PHLPP1: variants seen among roughly 807,000 people sequenced by gnomAD.
The protein encoded by PHLPP1 is PH domain and leucine rich repeat protein phosphatase 1.
Under a neutral mutation model 117.2 loss-of-function variants are expected in PHLPP1, and 42 were observed. The observed-to-expected ratio is 0.36, with a 90% confidence interval of 0.28 to 0.46. PHLPP1 has a LOEUF of 0.46. Among genes scored for constraint, PHLPP1 ranks in the 20% least tolerant of loss-of-function variants. The pLI, the probability that PHLPP1 is intolerant of heterozygous loss-of-function variation, is 1.00. For missense variants in PHLPP1, 2,084 were observed against 2,241.9 expected, an observed-to-expected ratio of 0.93 and a Z score of 1.42; for synonymous variants, 1,042 against 970.7, an observed-to-expected ratio of 1.07 and a Z score of -1.37.
chr18:62,918,138 G>A (rs1177799524), intron 9 of PHLPP1, among the ~76,000 whole-genome samples: 16 of 150,110 alleles, frequency 1.1e-4, no homozygotes, highest in Admixed American at 3.3e-4. Context: ...CCCAGGAGGC[G>A]GAGGTTGCAG....
Position 62,979,536 on chromosome 18 carries a change from G to A in PHLPP1, c.*105G>A. Reference sequence around the variant, plus strand: ...GGTTTTACTCCACATCCTTCCCCCAGACACTGTTCCCAACCTGTCATCGCA... The same window carrying A: ...GGTTTTACTCCACATCCTTCCCCCAAACACTGTTCCCAACCTGTCATCGCA... On this transcript the variant is annotated 3_prime_UTR_variant, in exon 17 of 17. Coordinates refer to ENST00000262719, the MANE Select transcript of PHLPP1 (RefSeq NM_194449.4). 7.8e-7 allele frequency: 1 copy of A among 1,275,752 alleles called. No individual in the cohort carries two copies. The highest frequency in any genetic ancestry group is 2.6e-5 in the Admixed American group (1 of 37,970). 79.0% of individuals were successfully genotyped at this position (1,275,752 alleles called of 1,614,324 possible).
chr18:62,785,451 A>G (rs1913252937), intron 1 of PHLPP1, among the ~76,000 whole-genome samples: 1 of 152,188 alleles, frequency 6.6e-6, no homozygotes, highest in South Asian at 2.1e-4. Context: ...TGGTTTCTCT[A>G]CCTTTGTGCT....
intron 4 of PHLPP1, among the ~76,000 whole-genome samples, chr18:62,881,494 T>C (rs1916174391): frequency 6.6e-6 from 1 of 152,256 alleles, no homozygotes; most frequent in Non-Finnish European, 1.5e-5. Flanking sequence ...AATTTTTACC[T>C]AAGTAAAATA....
At chr18:62,874,652 C>T (rs556345899) in intron 4 of PHLPP1, among the ~76,000 whole-genome samples, 16 of 60,400 alleles carry the variant, frequency 2.6e-4, no homozygotes, top group Admixed American at 1.9e-4. Context: ...CGCGCACGCA[C>T]GCGCGCACAC....
intron 1 of PHLPP1, among the ~76,000 whole-genome samples, chr18:62,798,186 A>T (rs1275459932): frequency 6.6e-6 from 1 of 152,118 alleles, no homozygotes; most frequent in East Asian, 1.9e-4. Flanking sequence ...AGGCCCACAA[A>T]TTTGCTTTTC....
intron 5 of PHLPP1, 85 bp from the exon 6 acceptor site, chr18:62,895,696 G>T (rs368129359): frequency 1.1e-4 from 97 of 879,554 alleles, no homozygotes; most frequent in South Asian, 7.7e-4. Flanking sequence ...TGGTAATACG[G>T]TCTACACTTA....
At chr18:62,717,344 AC>A in intron 1 of PHLPP1, 85 bp downstream of exon 1, 1 of 1,499,414 alleles carries the variant, frequency 6.7e-7, no homozygotes, top group Non-Finnish European at 8.9e-7. Flanking sequence ...AGTTTGCCCA[AC>A]CCAAGAGTAA....
chr18:62,920,166 T>A (rs1909420006), intron 10 of PHLPP1, 52 bp downstream of exon 10: 1 of 1,511,060 alleles, frequency 6.6e-7, no homozygotes, highest in Non-Finnish European at 9.1e-7. Flanking sequence ...TTCCCTCATT[T>A]GTATCTTTGT....
intron 4 of PHLPP1, among the ~76,000 whole-genome samples, chr18:62,892,231 G>A (rs1916444743): frequency 6.6e-6 from 1 of 151,534 alleles, no homozygotes; most frequent in African/African-American, 2.4e-5. Flanking sequence ...TGGGACTACA[G>A]GTGCACACCA....
intron 4 of PHLPP1, among the ~76,000 whole-genome samples, 151 bp downstream of exon 4, chr18:62,860,752 G>T (rs1568141317): frequency 6.6e-6 from 1 of 152,188 alleles, no homozygotes; most frequent in East Asian, 1.9e-4. Flanking sequence ...TATTAGTGAA[G>T]ACATTACCAA....
intron 1 of PHLPP1, among the ~76,000 whole-genome samples, chr18:62,726,879 CG>C (rs1202319014): frequency 2.6e-5 from 4 of 151,602 alleles, no homozygotes; most frequent in African/African-American, 9.7e-5. Flanking sequence ...CCACCATGCC[CG>C]GCCAGTATTT....
intron 1 of PHLPP1, among the ~76,000 whole-genome samples, chr18:62,826,492 G>A (rs1380272938): frequency 2.0e-5 from 3 of 152,130 alleles, no homozygotes; most frequent in Non-Finnish European, 4.4e-5. Flanking sequence ...ATTTTTAGAG[G>A]TTTTGCTTTA....
chr18:62,876,857 G>A (rs1916061315), intron 4 of PHLPP1, among the ~76,000 whole-genome samples: 1 of 152,164 alleles, frequency 6.6e-6, no homozygotes, highest in Non-Finnish European at 1.5e-5. Context: ...GGTCAAGAGG[G>A]GAGTGAATTC....
At position 62,755,368 on chromosome 18, in the gene PHLPP1, A is replaced by G. The variant is rs142433230; in HGVS notation, c.1576+38109A>G. ...AACTCCTTCCCCTCTAATGATTCCT[A>G]TGGAGAAAGAGGGCAAAGTTTAGAT... On this transcript the variant is annotated intron_variant, in intron 1 of 16. Coordinates refer to ENST00000262719, the MANE Select transcript of PHLPP1 (RefSeq NM_194449.4). Among the ~76,000 whole-genome samples, 371 of 152,190 alleles carry G rather than the reference A, an allele frequency of 2.4e-3. 3 individuals carry two copies. In the Middle Eastern group the frequency reaches 0.034, roughly 14 times the overall value.
intron 1 of PHLPP1, among the ~76,000 whole-genome samples, chr18:62,774,906 A>T (rs1011413777): frequency 6.6e-6 from 1 of 151,860 alleles, no homozygotes. Flanking sequence ...CTATTTATCA[A>T]CCTCCTTTTC....
At chr18:62,874,565 G>A (rs185069032) in intron 4 of PHLPP1, among the ~76,000 whole-genome samples, 1 of 152,312 alleles carries the variant, frequency 6.6e-6, no homozygotes, top group Admixed American at 6.5e-5. Flanking sequence ...CAGGTTGCTG[G>A]TGGCTGGAGC....
At chr18:62,738,877 A>C (rs1911442925) in intron 1 of PHLPP1, among the ~76,000 whole-genome samples, 1 of 152,218 alleles carries the variant, frequency 6.6e-6, no homozygotes, top group African/African-American at 2.4e-5. Context: ...TATGTCCTGC[A>C]TGTTGGTAAC....
intron 15 of PHLPP1, 122 bp from the exon 16 acceptor site, chr18:62,975,275 G>T: frequency 1.5e-6 from 1 of 676,660 alleles, no homozygotes. Context: ...TGAAGGAGGC[G>T]GAGTGGAATC....
chr18:62,845,455 A>C (rs564399912), intron 3 of PHLPP1, among the ~76,000 whole-genome samples: 1 of 152,296 alleles, frequency 6.6e-6, no homozygotes, highest in African/African-American at 2.4e-5. Context: ...AAAAAAGAGT[A>C]AGACACATGG....
Sources: allele counts gnomAD v4.1 joint callset (sites outside exome capture counted in the v4.1 genomes callset), GRCh38; gene constraint gnomAD v4.1.1; transcripts MANE v1.5; gene names NCBI Gene and HGNC (gene_info 2026-07-23, HGNC 2026-07-21).